Variants in SLC27A3 observed in about 807,000 individuals in gnomAD.
SLC27A3 encodes the protein solute carrier family 27 member 3, also known as long-chain fatty acid transport protein 3.
Under a neutral mutation model 60.1 loss-of-function variants are expected in SLC27A3, and 60 were observed. The observed-to-expected ratio is 1.00, with a 90% CI of 0.81 to 1.24. The LOEUF is 1.24. Among genes scored for constraint, SLC27A3 ranks in the 50% most tolerant of loss-of-function variants. The probability of loss-of-function intolerance (pLI) is 0.00; values close to 1 mark genes in which losing one functional copy is unlikely to be tolerated. For missense variants in SLC27A3, 1,079 were observed against 929.9 expected, an observed-to-expected ratio of 1.16 and a Z score of -2.09; for synonymous variants, 455 against 409.0, an observed-to-expected ratio of 1.11 and a Z score of -1.36.
chr1:153,776,015 T>C lies in SLC27A3; in HGVS notation c.518T>C (p.Leu173Pro), dbSNP rs756978807. Residue 173 changes from leucine to proline, a missense_variant, in exon 1 of 10, where the codon CTC becomes CCC. Leu to Pro is a moderately conservative substitution (Grantham distance 98). Transcript: ENST00000624995. Reference sequence around the variant, plus strand: ...TCACCTGGAGCAACTGTGGCGCTGCTCCTCCCCGCTGGCCCAGAGTTTCTG... The same window carrying C: ...TCACCTGGAGCAACTGTGGCGCTGCCCCTCCCCGCTGGCCCAGAGTTTCTG... ...PLSPGATVALLLPAGPEFLWL... is the reference protein window; with the variant it reads ...PLSPGATVALPLPAGPEFLWL... The C allele has an allele frequency of 1.4e-6, 2 of 1,450,718 alleles. No homozygotes were observed. Among genetic ancestry groups the C allele is most frequent in the Non-Finnish European group, 9.0e-7 (1 of 1,108,582 alleles). The allele number at this position is 1,450,718 out of a possible 1,614,324, so 89.9% of individuals were successfully genotyped here.
rs1394148660 is a variant in SLC27A3 at position 153,778,475 on chromosome 1, T to C, written c.1369T>C (p.Phe457Leu). The C allele has an allele frequency of 1.2e-6, 2 of 1,614,190 alleles. No homozygotes were observed. Among genetic ancestry groups the C allele is most frequent in the African/African-American group, 1.3e-5 (1 of 75,056 alleles). Reference sequence around the variant, plus strand: ...TCCCTTTCCCCAGCATATCTTCCCCTTCTCCTTGATTCGCTATGATGTCAC... The same window carrying C: ...TCCCTTTCCCCAGCATATCTTCCCCCTCTCCTTGATTCGCTATGATGTCAC... Reference protein sequence around the residue: ...ASWLYKHIFPFSLIRYDVTTG... With the variant: ...ASWLYKHIFPLSLIRYDVTTG... The change falls in exon 6 of 10, where the codon TTC becomes CTC. Residue 457 changes from phenylalanine to leucine, a missense_variant. Coordinates refer to ENST00000624995, the MANE Select transcript of SLC27A3 (RefSeq NM_024330.4).
At chr1:153,779,033 T>C in intron 7 of SLC27A3, 81 bp from the exon 8 acceptor site, 4 of 1,483,238 alleles carry the variant, frequency 2.7e-6, no homozygotes, top group Non-Finnish European at 3.8e-6. Flanking sequence ...CCTGTGACAC[T>C]GACCTCTGAC....
chr1:153,777,419 A>C, intron 3 of SLC27A3, 199 bp downstream of exon 3: 2 of 674,080 alleles, frequency 3.0e-6, no homozygotes, highest in South Asian at 1.9e-5. Flanking sequence ...CCATACAGCC[A>C]CATAACTCCA....
rs1558020196 is a variant in SLC27A3 at position 153,777,082 on chromosome 1, A to C, written c.898A>C (p.Ile300Leu). ...GTTGLPKAAR[I>L]SHLKILQCQG... Reference sequence around the variant, plus strand: ...CACAGGCCTCCCCAAGGCTGCTCGGATCAGTCATCTGAAGATCCTGCAATG... The same window carrying C: ...CACAGGCCTCCCCAAGGCTGCTCGGCTCAGTCATCTGAAGATCCTGCAATG... The change falls in exon 3 of 10, where the codon ATC (isoleucine) becomes CTC (leucine). Residue 300 changes from isoleucine to leucine, a missense_variant. Ile to Leu is a conservative substitution (Grantham distance 5). Coordinates refer to ENST00000624995, the MANE Select transcript of SLC27A3 (RefSeq NM_024330.4). 6.2e-7 allele frequency: 1 copy of C among 1,614,170 alleles called. No homozygotes were observed. The highest frequency in any genetic ancestry group is 8.5e-7 in the Non-Finnish European group (1 of 1,180,018).
At chr1:153,778,053 G>A in intron 4 of SLC27A3, 108 bp from the exon 5 acceptor site, 1 of 1,478,688 alleles carries the variant, frequency 6.8e-7, no homozygotes, top group Non-Finnish European at 9.1e-7. Flanking sequence ...TACGGCCTCT[G>A]AAGGAGGTCA....
Position 153,780,039 on chromosome 1 carries a change from T to G in SLC27A3, c.*37T>G. ...CCTGAGGCACCTGAGAGAGGAACTC[T>G]GTGGGGTGGGGGCCGTTGCAGGTGT... On this transcript the variant is annotated 3_prime_UTR_variant, in exon 10 of 10. Transcript: ENST00000624995. The G allele has an allele frequency of 2.2e-5, 34 of 1,574,474 alleles. No homozygotes were observed. Among genetic ancestry groups the G allele is most frequent in the Non-Finnish European group, 2.6e-5 (30 of 1,155,814 alleles).
rs771608742 is a variant in SLC27A3 at position 153,775,899 on chromosome 1, G to C, written c.402G>C (p.Ala134=). 1 of 1,475,952 alleles carries C rather than the reference G, an allele frequency of 6.8e-7. No homozygotes were observed. The highest frequency in any genetic ancestry group is 2.5e-5 in the Admixed American group (1 of 39,658). The allele number at this position is 1,475,952 out of a possible 1,614,324, so 91.4% of individuals were successfully genotyped here. A position where few individuals can be genotyped will look rare whatever the true frequency, so the allele number is the denominator to read the frequency against. Residue 134 remains alanine, a synonymous_variant, in exon 1 of 10, where the codon GCG becomes GCC. Coordinates refer to ENST00000624995, the MANE Select transcript of SLC27A3 (RefSeq NM_024330.4). ...EGSAGEGERA[A]PGAGDAAAGS... ...GCGCTGGAGAAGGCGAGCGGGCAGC[G>C]CCGGGAGCCGGAGATGCAGCGGCCG...
In SLC27A3 at chr1:153,777,717, T is replaced by A. The variant is rs370614600; in HGVS notation, c.1037-44T>A. ...GAGGGGCTTGGGCTCCCCACTCTGC[T>A]CCTAATCTTACCTCCCTTCTTCCCC... On this transcript the variant is annotated intron_variant, in intron 3 of 9. Transcript: ENST00000624995. 3.5e-5 allele frequency: 56 copies of A among 1,605,600 alleles called. No homozygotes were observed. The African/African-American group carries it at 7.6e-4, about 22-fold the overall frequency.
rs1322502882 is a variant in SLC27A3 at position 153,776,180 on chromosome 1, C to G, written c.667+16C>G. ...CTGGCGCCAGGTAAGGCTGGAGCTCCGAACTGACTAAGGCGGGGCCAGCCA... is the reference window on the plus strand; with the variant it reads ...CTGGCGCCAGGTAAGGCTGGAGCTCGGAACTGACTAAGGCGGGGCCAGCCA... On this transcript the variant is annotated intron_variant, in intron 1 of 9. Transcript: ENST00000624995. 4 of 1,412,654 alleles carry G rather than the reference C, an allele frequency of 2.8e-6. No homozygotes were observed. The Admixed American group carries it at 1.4e-4, about 49-fold the overall frequency. 87.5% of individuals were successfully genotyped at this position (1,412,654 alleles called of 1,614,324 possible).
chr1:153,776,407 C>T, intron 1 of SLC27A3, 111 bp from the exon 2 acceptor site: 1 of 1,288,870 alleles, frequency 7.8e-7, no homozygotes, highest in Non-Finnish European at 1.1e-6. Context: ...AATGTCCATA[C>T]CCTTCACCCT....
Position 153,778,358 on chromosome 1 carries a change from GA to G in SLC27A3, c.1356+4del. ...GGCGTGCTTCCTGGCTTTACAAGGT[GA>G]GGGGCAGAGAGGAAACTGAAAACCC... On this transcript the variant is annotated splice_donor_region_variant and intron_variant, in intron 5 of 9. Transcript: ENST00000624995. 6.2e-7 allele frequency: 1 copy of G among 1,613,808 alleles called. No homozygotes were observed. The highest frequency in any genetic ancestry group is 1.3e-5 in the African/African-American group (1 of 75,010).
Position 153,778,874 on chromosome 1 carries a change from A to G in SLC27A3, c.1635A>G (p.Gly545=), listed in dbSNP as rs1340958019. The G allele has an allele frequency of 6.2e-7, 1 of 1,614,110 alleles. No homozygotes were observed. The highest frequency in any genetic ancestry group is 1.1e-5 in the South Asian group (1 of 91,088). Residue 545 remains glycine (G), a synonymous_variant, in exon 7 of 10, where the codon GGA becomes GGG. Transcript: ENST00000624995. ...TTCTCCGCTTCCATGATCGTACTGG[A>G]GACACCTTCAGGTATCTGTCCATAA... ...QGFLRFHDRT[G]DTFRWKGENV... is the part of the protein sequence containing the mutation.
chr1:153,777,376 C>T, intron 3 of SLC27A3, 156 bp downstream of exon 3: 4 of 897,250 alleles, frequency 4.5e-6, no homozygotes, highest in Non-Finnish European at 6.8e-6. Context: ...TGTCACCTGC[C>T]TAGACCTACA....
chr1:153,776,693 C>CA lies in SLC27A3; in HGVS notation c.844dup (p.Thr282AsnfsTer114), dbSNP rs777354007. 126 of 1,614,206 alleles carry CA rather than the reference C, an allele frequency of 7.8e-5. No individual in the cohort carries two copies. In the East Asian group the frequency reaches 2.8e-3, roughly 35 times the overall value. On this transcript the variant is annotated frameshift_variant, in exon 2 of 10. Transcript: ENST00000624995. LOFTEE classifies it high-confidence loss of function. ...TCTCTTCCCCCCAGAGCATAACAGA[C>CA]ACGTGCCTGTACATCTTCACCTCTG...
At chr1:153,778,398 G>C (rs1210879438) in intron 5 of SLC27A3, 43 bp downstream of exon 5, 3 of 1,613,816 alleles carry the variant, frequency 1.9e-6, no homozygotes, top group South Asian at 2.2e-5. Flanking sequence ...GAACAGCAGA[G>C]GGCTGGCAGG....
Position 153,775,723 on chromosome 1 carries a change from C to G in SLC27A3, c.226C>G (p.Gln76Glu). 1 of 1,520,470 alleles carries G rather than the reference C, an allele frequency of 6.6e-7. No homozygotes were observed. The highest frequency in any genetic ancestry group is 8.8e-7 in the Non-Finnish European group (1 of 1,139,032). 94.2% of individuals were successfully genotyped at this position (1,520,470 alleles called of 1,614,324 possible). A position where few individuals can be genotyped will look rare whatever the true frequency, so the allele number is the denominator to read the frequency against. Reference protein sequence around the residue: ...SLAWRLAELAQQRAAHTFLIH... With the variant: ...SLAWRLAELAEQRAAHTFLIH... The stretch of plus-strand genomic sequence containing the variant: ...GGCCTGGCGCCTCGCGGAACTGGCC[C>G]AGCAGCGCGCCGCGCACACCTTTCT... The change falls in exon 1 of 10, where the codon CAG (glutamine) becomes GAG (glutamate). Residue 76 changes from glutamine (Q) to glutamate (E), a missense_variant. By Grantham distance (29) the Gln-to-Glu change is conservative. Coordinates refer to ENST00000624995, the MANE Select transcript of SLC27A3 (RefSeq NM_024330.4).
rs1284028840 is a variant in SLC27A3 at position 153,776,696 on chromosome 1, G to A, written c.846G>A (p.Thr282=). ...CTTCCCCCCAGAGCATAACAGACAC[G>A]TGCCTGTACATCTTCACCTCTGGCA... is the stretch of plus-strand genomic sequence containing the variant. ...YLSSPQSITD[T]CLYIFTSGTT... Residue 282 remains threonine (T), a synonymous_variant, in exon 2 of 10, where the codon ACG becomes ACA. Coordinates refer to ENST00000624995, the MANE Select transcript of SLC27A3 (RefSeq NM_024330.4). 9 of 1,613,956 alleles carry A rather than the reference G, an allele frequency of 5.6e-6. No individual in the cohort carries two copies. Among genetic ancestry groups the A allele is most frequent in the African/African-American group, 1.3e-5 (1 of 74,904 alleles).
chr1:153,775,981 G>T lies in SLC27A3; in HGVS notation c.484G>T (p.Ala162Ser), dbSNP rs773549207. Residue 162 changes from alanine to serine, a missense_variant, in exon 1 of 10, where the codon GCC becomes TCC. Physicochemically the swap from Ala to Ser is moderately conservative, Grantham distance 99. Transcript: ENST00000624995. ...TGCCGCCAGAGGTGGAGGAGCCGCC[G>T]CCCCTCTGTCACCTGGAGCAACTGT... Reference protein sequence around the residue: ...DGAARGGGAAAPLSPGATVAL... With the variant: ...DGAARGGGAASPLSPGATVAL... 1.4e-6 allele frequency: 2 copies of T among 1,444,684 alleles called. No homozygotes were observed. The highest frequency in any genetic ancestry group is 5.4e-5 in the East Asian group (2 of 37,130). The allele number at this position is 1,444,684 out of a possible 1,614,324, so 89.5% of individuals were successfully genotyped here.
rs1570897410 is a variant in SLC27A3 at position 153,776,154 on chromosome 1, G to A, written c.657G>A (p.Val219=). ...GCAGCTGCGGCGCGCGCGCGCTGGTGCTGGCGCCAGGTAAGGCTGGAGCTC... is the reference window on the plus strand; with the variant it reads ...GCAGCTGCGGCGCGCGCGCGCTGGTACTGGCGCCAGGTAAGGCTGGAGCTC... ...CLRSCGARAL[V]LAPEFLESLE... is the part of the protein sequence containing the mutation. The change falls in exon 1 of 10, where the codon GTG becomes GTA. Residue 219 remains valine (V), a synonymous_variant. Transcript: ENST00000624995. 4 of 1,421,432 alleles carry A rather than the reference G, an allele frequency of 2.8e-6. No individual in the cohort carries two copies. The highest frequency in any genetic ancestry group is 3.4e-5 in the Admixed American group (1 of 29,404). The allele number at this position is 1,421,432 out of a possible 1,614,324, so 88.1% of individuals were successfully genotyped here.
Sources: gnomAD v4.1 joint callset for allele counts on GRCh38, gnomAD v4.1.1 for gene constraint, MANE v1.5 for transcripts, NCBI Gene and HGNC (gene_info 2026-07-23, HGNC 2026-07-21) for gene names.